The following GREM1 variants were observed in gnomAD, a reference collection of about 807,000 sequenced individuals.
The protein encoded by GREM1 is gremlin-1.
In GREM1, 6 loss-of-function variants were observed where a neutral mutation model predicts 13.1. The observed-to-expected ratio is 0.46, with a 90% CI of 0.25 to 0.91. The LOEUF (loss-of-function observed/expected upper bound fraction) is 0.91, where lower values mean the gene tolerates loss of function less well. Among genes scored for constraint, GREM1 ranks in the 40% least tolerant of loss-of-function variants. The probability of loss-of-function intolerance (pLI) is 0.18; values close to 1 mark genes in which losing one functional copy is unlikely to be tolerated. For synonymous variants in GREM1, 98 were observed against 93.7 expected, an observed-to-expected ratio of 1.05 and a Z score of -0.27; for missense variants, 185 against 233.9, an observed-to-expected ratio of 0.79 and a Z score of 1.36.
Position 32,735,785 on chromosome 15 carries a change from A to AAAG in GREM1, c.*4546_*4548dup, listed in dbSNP as rs1253891467. 1.3e-5 allele frequency: 2 copies of AAAG among 151,624 alleles called. No individual in the cohort carries two copies. Among genetic ancestry groups the AAAG allele is most frequent in the Non-Finnish European group, 2.9e-5 (2 of 67,830 alleles). The allele number at this position is 151,624 out of a possible 1,614,324, so 9.4% of individuals were successfully genotyped here. On this transcript the variant is annotated 3_prime_UTR_variant, in exon 2 of 2. Transcript: ENST00000651154. ...ATTTCAAGCTTAAGAAAAAAAAAAA[A>AAAG]AAGAAGAATGTGGGAGGATGTCAGC...
At chr15:32,721,162 A>G (rs2140669178) in intron 1 of GREM1, among the ~76,000 whole-genome samples, 1 of 147,596 alleles carries the variant, frequency 6.8e-6, no homozygotes, top group Non-Finnish European at 1.5e-5. Flanking sequence ...CGTCAAAAAA[A>G]CAAAACAAAA....
intron 1 of GREM1, among the ~76,000 whole-genome samples, chr15:32,729,570 G>T (rs1190081422): frequency 3.3e-5 from 5 of 151,690 alleles, no homozygotes; most frequent in Non-Finnish European, 7.4e-5. Context: ...TCTGTCTATG[G>T]TTTCCTATTT....
Position 32,738,115 on chromosome 15 carries a change from A to AAAAAAC in GREM1, c.*6875_*6876insCAAAAA. 1.1e-5 allele frequency: 1 copy of AAAAAAC among 88,668 alleles called. No individual in the cohort carries two copies. The highest frequency in any genetic ancestry group is 2.7e-5 in the Non-Finnish European group (1 of 37,010). The allele number at this position is 88,668 out of a possible 1,614,324, so 5.5% of individuals were successfully genotyped here. A position where few individuals can be genotyped will look rare whatever the true frequency, so the allele number is the denominator to read the frequency against. ...AAAAAAAAAAAAAAAAAAAAAAAAA[A>AAAAAAC]AAAAAAAAAAAAAAAAAAGAAAAGA... is the stretch of plus-strand genomic sequence containing the variant. On this transcript the variant is annotated 3_prime_UTR_variant, in exon 2 of 2. Transcript: ENST00000651154.
chr15:32,721,709 G>A (rs187354252), intron 1 of GREM1, among the ~76,000 whole-genome samples: 83 of 152,080 alleles, frequency 5.5e-4, no homozygotes, highest in African/African-American at 1.8e-3. Flanking sequence ...AGCTGATATC[G>A]TGCCAGTGCA....
chr15:32,738,098 A>ACAAACAAAC lies in GREM1; in HGVS notation c.*6853_*6854insCAAACAAAC, dbSNP rs1567117438. 26 of 71,866 alleles carry ACAAACAAAC rather than the reference A, an allele frequency of 3.6e-4. 3 individuals carry two copies. In the South Asian group the frequency reaches 8.5e-3, roughly 23 times the overall value. The allele number at this position is 71,866 out of a possible 1,614,324, so 4.5% of individuals were successfully genotyped here. A position where few individuals can be genotyped will look rare whatever the true frequency, so the allele number is the denominator to read the frequency against. On this transcript the variant is annotated 3_prime_UTR_variant, in exon 2 of 2. Coordinates refer to ENST00000651154, the MANE Select transcript of GREM1 (RefSeq NM_013372.7). Reference sequence around the variant, plus strand: ...GGTAATTAGGCAAAAAAAAAAAAAAAAAAAAAAAAAAAAAAAAAAAAAAAA... The same window carrying ACAAACAAAC: ...GGTAATTAGGCAAAAAAAAAAAAAAACAAACAAACAAAAAAAAAAAAAAAAAAAAAAAAA...
chr15:32,728,754 C>G (rs750187707), intron 1 of GREM1, among the ~76,000 whole-genome samples: 1 of 152,124 alleles, frequency 6.6e-6, no homozygotes, highest in Non-Finnish European at 1.5e-5. Context: ...TTCTTAGGTT[C>G]AGAAAACCAC....
chr15:32,734,619 A>G lies in GREM1; in HGVS notation c.*3374A>G, dbSNP rs2055673275. 1 of 245,802 alleles carries G rather than the reference A, an allele frequency of 4.1e-6. No homozygotes were observed. 15.2% of individuals were successfully genotyped at this position (245,802 alleles called of 1,614,324 possible). A position where few individuals can be genotyped will look rare whatever the true frequency, so the allele number is the denominator to read the frequency against. On this transcript the variant is annotated 3_prime_UTR_variant, in exon 2 of 2. Coordinates refer to ENST00000651154, the MANE Select transcript of GREM1 (RefSeq NM_013372.7). ...TTAATTTTCACCCCAATAATGTTCT[A>G]TATAGCCTTTGCTAAAGAGCAACTA...
intron 1 of GREM1, among the ~76,000 whole-genome samples, chr15:32,724,798 C>CT (rs2055470822): frequency 6.6e-6 from 1 of 151,956 alleles, no homozygotes; most frequent in Non-Finnish European, 1.5e-5. Context: ...AGCCCCCCAC[C>CT]CCTCGACAGG....
intron 1 of GREM1, among the ~76,000 whole-genome samples, chr15:32,730,370 G>A (rs1271550480): frequency 6.6e-6 from 1 of 152,174 alleles, no homozygotes; most frequent in Non-Finnish European, 1.5e-5. Context: ...ATAAGTGAAC[G>A]TAATACAAAG....
At chr15:32,727,540 TACTG>T (rs1277065617) in intron 1 of GREM1, among the ~76,000 whole-genome samples, 9 of 152,192 alleles carry the variant, frequency 5.9e-5, no homozygotes, top group Admixed American at 5.9e-4. Flanking sequence ...GCCAGTATCA[TACTG>T]AATGGGCAAA....
chr15:32,722,269 A>G (rs1308958555), intron 1 of GREM1, among the ~76,000 whole-genome samples: 2 of 152,240 alleles, frequency 1.3e-5, no homozygotes, highest in Non-Finnish European at 2.9e-5. Flanking sequence ...CACTTAGAGC[A>G]TTTGTAGTCA....
In GREM1 at chr15:32,744,673, T is replaced by C. The variant is rs2055791160; in HGVS notation, c.*13428T>C. On this transcript the variant is annotated 3_prime_UTR_variant, in exon 2 of 2. Transcript: ENST00000651154. ...CTTAACTCAAGCAAAACAATGTTAC[T>C]CTCTTTGTACATTGTACAGATGCAG... The C allele has an allele frequency of 6.6e-6, 1 of 151,910 alleles. No individual in the cohort carries two copies. Among genetic ancestry groups the C allele is most frequent in the Non-Finnish European group, 1.5e-5 (1 of 67,962 alleles). The allele number at this position is 151,910 out of a possible 1,614,324, so 9.4% of individuals were successfully genotyped here.
In GREM1 at chr15:32,733,904, T is replaced by A; in HGVS notation, c.*2659T>A. The A allele has an allele frequency of 4.2e-6, 1 of 240,278 alleles. No homozygotes were observed. Among genetic ancestry groups the A allele is most frequent in the Non-Finnish European group, 8.8e-6 (1 of 113,320 alleles). The allele number at this position is 240,278 out of a possible 1,614,324, so 14.9% of individuals were successfully genotyped here. ...TTTTTGTTACTGTAGGTCTTCAAAG[T>A]TAAGAGTGTAAGTGAAAAATCTGGA... On this transcript the variant is annotated 3_prime_UTR_variant, in exon 2 of 2. Coordinates refer to ENST00000651154, the MANE Select transcript of GREM1 (RefSeq NM_013372.7).
rs1186968077 is a variant in GREM1, at chr15:32,732,103, A to T, written c.*858A>T. 4.2e-6 allele frequency: 1 copy of T among 240,884 alleles called. No homozygotes were observed. The highest frequency in any genetic ancestry group is 8.8e-6 in the Non-Finnish European group (1 of 113,616). The allele number at this position is 240,884 out of a possible 1,614,324, so 14.9% of individuals were successfully genotyped here. On this transcript the variant is annotated 3_prime_UTR_variant, in exon 2 of 2. Coordinates refer to ENST00000651154, the MANE Select transcript of GREM1 (RefSeq NM_013372.7). ...GGCCGTTGCAATCTGCTCAAACCTA[A>T]CACCAAACTGAAAACATAAATACTG...
chr15:32,724,225 C>T (rs1021942423), intron 1 of GREM1, among the ~76,000 whole-genome samples: 2 of 152,134 alleles, frequency 1.3e-5, no homozygotes, highest in African/African-American at 4.8e-5. Flanking sequence ...TTGCATTTTT[C>T]GGATAGATGT....
Position 32,726,710 on chromosome 15 carries a change from GTTTT to G in GREM1, c.-1-3967_-1-3964del, listed in dbSNP as rs3054576. 0.083 allele frequency among the ~76,000 whole-genome samples: 11,827 copies of G among 142,552 alleles called. 503 individuals carry two copies. The highest frequency in any genetic ancestry group is 0.1 in the Non-Finnish European group (6,655 of 65,138). 93.5% of individuals were successfully genotyped at this position (142,552 alleles called of 152,430 possible). A position where few individuals can be genotyped will look rare whatever the true frequency, so the allele number is the denominator to read the frequency against. On this transcript the variant is annotated intron_variant, in intron 1 of 1. Transcript: ENST00000651154. The stretch of plus-strand genomic sequence containing the variant: ...CAAAAAATCAATGAACCCAGGAGCT[GTTTT>G]TTTTTTTTTTTTGAAAAGATTAATG...
intron 1 of GREM1, 155 bp downstream of exon 1, chr15:32,718,316 G>A (rs559479977): frequency 9.8e-5 from 57 of 582,228 alleles, no homozygotes; most frequent in South Asian, 8.4e-4. Context: ...AACCATCGCG[G>A]GGTCCTTCCT....
At position 32,730,997 on chromosome 15, in the gene GREM1, A is replaced by G. The variant is rs370674293; in HGVS notation, c.307A>G (p.Ile103Val). ...WCKTQPLKQT[I>V]HEEGCNSRTI... ...CAAAACCCAGCCGCTTAAGCAGACC[A>G]TCCACGAGGAAGGCTGCAACAGTCG... The change falls in exon 2 of 2, where the codon ATC becomes GTC. Residue 103 changes from isoleucine to valine, a missense_variant. Coordinates refer to ENST00000651154, the MANE Select transcript of GREM1 (RefSeq NM_013372.7). The G allele has an allele frequency of 9.3e-6, 15 of 1,614,050 alleles. No individual in the cohort carries two copies. The African/African-American group carries it at 1.5e-4, about 16-fold the overall frequency.
rs1280677560 is a variant in GREM1, at chr15:32,730,710, C to T, written c.20C>T (p.Thr7Met). The change falls in exon 2 of 2, where the codon ACG becomes ATG. Residue 7 changes from threonine (T) to methionine (M), a missense_variant. Physicochemically the swap from Thr to Met is moderately conservative, Grantham distance 81. Transcript: ENST00000651154. MSRTAY[T>M]VGALLLLLGT... ...TTTAGTATGAGCCGCACAGCCTACACGGTGGGAGCCCTGCTTCTCCTCTTG... is the reference window on the plus strand; with the variant it reads ...TTTAGTATGAGCCGCACAGCCTACATGGTGGGAGCCCTGCTTCTCCTCTTG... 1.2e-5 allele frequency: 19 copies of T among 1,569,212 alleles called. No homozygotes were observed. The highest frequency in any genetic ancestry group is 1.5e-5 in the Non-Finnish European group (18 of 1,161,618).
Sources: gnomAD v4.1 joint callset for allele counts (sites outside exome capture counted in the v4.1 genomes callset) on GRCh38, gnomAD v4.1.1 for gene constraint, MANE v1.5 for transcripts, NCBI Gene and HGNC (gene_info 2026-07-23, HGNC 2026-07-21) for gene names.